Variants in KPNA1 observed in about 807,000 individuals in gnomAD.
The protein encoded by KPNA1 is karyopherin subunit alpha 1, also known as importin subunit alpha-5.
Under a neutral mutation model 70.5 loss-of-function variants are expected in KPNA1, and 10 were observed. The ratio of observed to expected loss-of-function variants is 0.14; its 90% CI spans 0.09 to 0.24. KPNA1 has a LOEUF of 0.24. Ranked by LOEUF, KPNA1 falls within the 10% of genes least tolerant of loss-of-function variation. The probability of loss-of-function intolerance (pLI) is 1.00; values close to 1 mark genes in which losing one functional copy is unlikely to be tolerated. For synonymous variants in KPNA1, 192 were observed against 221.9 expected (o/e 0.87, Z 1.20); for missense variants, 397 against 637.9 (o/e 0.62, Z 4.07).
intron 2 of KPNA1, among the ~76,000 whole-genome samples, chr3:122,486,636 G>A (rs1291866059): frequency 6.6e-6 from 1 of 151,762 alleles, no homozygotes; most frequent in African/African-American, 2.4e-5. Context: ...CGCCCAGGCT[G>A]GAGTGCAGTG....
Position 122,424,651 on chromosome 3 carries a change from A to C in KPNA1, c.*2334T>G, listed in dbSNP as rs1462539946. On this transcript the variant is annotated 3_prime_UTR_variant, in exon 14 of 14. Coordinates refer to ENST00000344337, the MANE Select transcript of KPNA1 (RefSeq NM_002264.4). The stretch of plus-strand genomic sequence containing the variant: ...AAAAATTCCGAATGTCTGAATGCAC[A>C]CTACTCTTCCTAATGTGGGGAGACA... The C allele has an allele frequency of 6.6e-6, 1 of 152,658 alleles. No individual in the cohort carries two copies. The highest frequency in any genetic ancestry group is 2.4e-5 in the African/African-American group (1 of 41,462). The allele number at this position is 152,658 out of a possible 1,614,324, so 9.5% of individuals were successfully genotyped here.
At chr3:122,501,185 C>T (rs2076825340) in intron 1 of KPNA1, among the ~76,000 whole-genome samples, 1 of 151,816 alleles carries the variant, frequency 6.6e-6, no homozygotes, top group Non-Finnish European at 1.5e-5. Flanking sequence ...ACTGCCATCA[C>T]ACCCAGCTAA....
chr3:122,494,582 A>G (rs2076736046), intron 2 of KPNA1, among the ~76,000 whole-genome samples: 1 of 152,124 alleles, frequency 6.6e-6, no homozygotes, highest in Admixed American at 6.5e-5. Flanking sequence ...CTCCAGCTTT[A>G]TATTTTGCTT....
chr3:122,433,778 T>C lies in KPNA1; in HGVS notation c.1133A>G (p.Asp378Gly), dbSNP rs1385536626. Residue 378 changes from aspartate (D) to glycine (G), a missense_variant, in exon 12 of 14, where the codon GAT (aspartate) becomes GGT (glycine). Physicochemically the swap from Asp to Gly is moderately conservative, Grantham distance 94 (BLOSUM62 -1). Coordinates refer to ENST00000344337, the MANE Select transcript of KPNA1 (RefSeq NM_002264.4). ...AATGAGGGCTGGGAAAATGTTGGCATCTATCACAGTCTAAAATTAAAGAAA... is the reference window on the plus strand; with the variant it reads ...AATGAGGGCTGGGAAAATGTTGGCACCTATCACAGTCTAAAATTAAAGAAA... ...GNRAQIQTVI[D>G]ANIFPALISI... 6.3e-7 allele frequency: 1 copy of C among 1,592,072 alleles called. No homozygotes were observed. The highest frequency in any genetic ancestry group is 1.4e-5 in the African/African-American group (1 of 73,462).
At chr3:122,480,942 TGGC>T (rs2076564229) in intron 2 of KPNA1, among the ~76,000 whole-genome samples, 1 of 152,122 alleles carries the variant, frequency 6.6e-6, no homozygotes, top group Non-Finnish European at 1.5e-5. Context: ...TGAACCATAA[TGGC>T]ACCACTGCAC....
intron 12 of KPNA1, 94 bp from the exon 13 acceptor site, chr3:122,427,810 A>G: frequency 1.3e-6 from 1 of 749,878 alleles, no homozygotes. Flanking sequence ...CACTGCAGAG[A>G]CTTAAAAAAA....
chr3:122,475,716 G>A (rs970118933), intron 2 of KPNA1, among the ~76,000 whole-genome samples: 1 of 152,124 alleles, frequency 6.6e-6, no homozygotes, highest in Non-Finnish European at 1.5e-5. Flanking sequence ...ACCATTGACT[G>A]GAAGCCTTAT....
rs1026304852 is a variant in KPNA1 at position 122,454,711 on chromosome 3, C to T, written c.433-710G>A. On this transcript the variant is annotated intron_variant, in intron 5 of 13. Transcript: ENST00000344337. ...AAATGACAACTTCAAAGAATAAGAG[C>T]TTCCAATAAATGAGAGAGCTCCAAA... 5.3e-5 allele frequency among the ~76,000 whole-genome samples: 8 copies of T among 152,074 alleles called. 1 individual carries two copies. Among genetic ancestry groups the T allele is most frequent in the South Asian group, 2.1e-4 (1 of 4,824 alleles).
intron 1 of KPNA1, among the ~76,000 whole-genome samples, chr3:122,501,720 T>A (rs2076831392): frequency 1.3e-5 from 2 of 152,320 alleles, no homozygotes; most frequent in South Asian, 4.1e-4. Flanking sequence ...GCTGGTAGTG[T>A]GGTCTATACA....
chr3:122,476,548 A>T (rs1484234794), intron 2 of KPNA1, among the ~76,000 whole-genome samples: 1 of 152,178 alleles, frequency 6.6e-6, no homozygotes, highest in Admixed American at 6.5e-5. Flanking sequence ...CAAAATATAT[A>T]AGGAACTCAA....
chr3:122,475,263 C>A (rs576755096), intron 2 of KPNA1, among the ~76,000 whole-genome samples: 2 of 151,902 alleles, frequency 1.3e-5, no homozygotes, highest in African/African-American at 4.8e-5. Flanking sequence ...ACAATGGCTA[C>A]AAAAATAAAA....
At chr3:122,509,107 G>A (rs568099817) in intron 1 of KPNA1, among the ~76,000 whole-genome samples, 350 of 152,060 alleles carry the variant, frequency 2.3e-3, no homozygotes, top group Middle Eastern at 3.4e-3. Context: ...TTAGCCAGGC[G>A]TAGTGGCGGG....
At chr3:122,496,797 G>A (rs1156815661) in intron 1 of KPNA1, among the ~76,000 whole-genome samples, 2 of 152,124 alleles carry the variant, frequency 1.3e-5, no homozygotes, top group Non-Finnish European at 2.9e-5. Context: ...TCAAATTCCT[G>A]GGTTCAAGCA....
chr3:122,507,871 T>G (rs1041342222), intron 1 of KPNA1, among the ~76,000 whole-genome samples: 3 of 152,224 alleles, frequency 2.0e-5, no homozygotes, highest in Non-Finnish European at 2.9e-5. Flanking sequence ...TATCCATTAA[T>G]GAATTTAATA....
intron 2 of KPNA1, among the ~76,000 whole-genome samples, chr3:122,490,729 G>A (rs1007703702): frequency 1.2e-4 from 18 of 152,104 alleles, no homozygotes; most frequent in African/African-American, 4.3e-4. Context: ...CTGCAAAAAG[G>A]TAATTTGCTA....
chr3:122,429,446 C>CAAAAAAAAAA, intron 12 of KPNA1, among the ~76,000 whole-genome samples: 1 of 58,776 alleles, frequency 1.7e-5, no homozygotes, highest in Non-Finnish European at 3.1e-5. Flanking sequence ...AACTCTGTCT[C>CAAAAAAAAAA]AAAAAAAAAA....
intron 5 of KPNA1, chr3:122,460,181 T>C (rs2076308126): frequency 1.6e-5 from 16 of 985,408 alleles, no homozygotes; most frequent in Admixed American, 6.1e-5. Context: ...TCACATGTAT[T>C]TGTAACTAAT....
At chr3:122,508,308 G>A (rs1310946362) in intron 1 of KPNA1, among the ~76,000 whole-genome samples, 1 of 152,128 alleles carries the variant, frequency 6.6e-6, no homozygotes, top group Non-Finnish European at 1.5e-5. Context: ...GAAACAAGCT[G>A]ATTCACACTA....
chr3:122,463,831 T>C (rs932512541), intron 4 of KPNA1, 111 bp downstream of exon 4: 13 of 512,184 alleles, frequency 2.5e-5, no homozygotes, highest in Admixed American at 1.0e-4. Context: ...TTTTTATTCT[T>C]TTATTGATAA....
Sources: allele counts gnomAD v4.1 joint callset (sites outside exome capture counted in the v4.1 genomes callset), GRCh38; gene constraint gnomAD v4.1.1; transcripts MANE v1.5; gene names NCBI Gene and HGNC (gene_info 2026-07-23, HGNC 2026-07-21).